The following CCSER1 variants were observed in gnomAD, a reference collection of about 807,000 sequenced individuals.
The protein encoded by CCSER1 is coiled-coil serine rich protein 1.
Under a neutral mutation model 82.0 loss-of-function variants are expected in CCSER1, and 41 were observed. The observed-to-expected ratio is 0.50, with a 90% confidence interval of 0.39 to 0.65. The LOEUF is 0.65. Among genes scored for constraint, CCSER1 ranks in the 30% least tolerant of loss-of-function variants. The pLI, the probability that CCSER1 is intolerant of heterozygous loss-of-function variation, is 0.00. For missense variants in CCSER1, 1,119 were observed against 1,064.2 expected (o/e 1.05, Z -0.72); for synonymous variants, 414 against 383.9 (o/e 1.08, Z -0.92).
At chr4:91,467,911 A>G (rs1181354860) in intron 10 of CCSER1, among the ~76,000 whole-genome samples, 6 of 152,228 alleles carry the variant, frequency 3.9e-5, no homozygotes, top group Admixed American at 3.9e-4. Flanking sequence ...GTGGGACTGT[A>G]AACTATTTCA....
intron 4 of CCSER1, among the ~76,000 whole-genome samples, chr4:90,442,124 A>G (rs1211818854): frequency 2.0e-5 from 3 of 152,176 alleles, no homozygotes; most frequent in African/African-American, 7.2e-5. Flanking sequence ...ACCAAAGGGG[A>G]GTCTTAAATT....
chr4:90,849,992 C>A (rs949672274), intron 8 of CCSER1, among the ~76,000 whole-genome samples: 1 of 152,082 alleles, frequency 6.6e-6, no homozygotes, highest in African/African-American at 2.4e-5. Context: ...GGGCTGGGCA[C>A]AGGGACACCC....
At chr4:91,150,085 A>G (rs926430037) in intron 10 of CCSER1, among the ~76,000 whole-genome samples, 9 of 152,114 alleles carry the variant, frequency 5.9e-5, no homozygotes, top group Non-Finnish European at 8.8e-5. Context: ...GACCATTTTC[A>G]TGATATTGAT....
At chr4:90,748,504 C>T (rs894421453) in intron 7 of CCSER1, among the ~76,000 whole-genome samples, 5 of 148,784 alleles carry the variant, frequency 3.4e-5, no homozygotes, top group African/African-American at 1.2e-4. Context: ...CATACGTGTG[C>T]ATGTGTCTTT....
intron 1 of CCSER1, among the ~76,000 whole-genome samples, chr4:90,153,899 A>G (rs1366871784): frequency 2.0e-5 from 3 of 152,074 alleles, no homozygotes; most frequent in Admixed American, 6.5e-5. Flanking sequence ...CCATTTGTCA[A>G]TTTTGGCTTT....
At chr4:90,885,319 G>A (rs914413665) in intron 8 of CCSER1, among the ~76,000 whole-genome samples, 2 of 152,090 alleles carry the variant, frequency 1.3e-5, no homozygotes. Flanking sequence ...TACCCAACAT[G>A]TATGATTTTG....
chr4:90,641,251 T>TA (rs1726458830), intron 6 of CCSER1, among the ~76,000 whole-genome samples: 1 of 152,064 alleles, frequency 6.6e-6, no homozygotes, highest in Admixed American at 6.6e-5. Context: ...GAGTTAAAAA[T>TA]ATGCAAACTT....
At chr4:90,325,302 T>C (rs1737959136) in intron 3 of CCSER1, among the ~76,000 whole-genome samples, 1 of 152,306 alleles carries the variant, frequency 6.6e-6, no homozygotes, top group Non-Finnish European at 1.5e-5. Context: ...TACTTATTTA[T>C]TAAGAAAATA....
At chr4:90,792,545 A>G (rs189098307) in intron 7 of CCSER1, among the ~76,000 whole-genome samples, 4 of 152,290 alleles carry the variant, frequency 2.6e-5, no homozygotes, top group Non-Finnish European at 5.9e-5. Flanking sequence ...GGTGCCTACT[A>G]CCTATAGCAA....
chr4:90,291,370 C>A (rs1366547983), intron 1 of CCSER1, among the ~76,000 whole-genome samples: 1 of 151,978 alleles, frequency 6.6e-6, no homozygotes, highest in African/African-American at 2.4e-5. Flanking sequence ...GGCAGAACTA[C>A]CTAAATGTTC....
intron 10 of CCSER1, among the ~76,000 whole-genome samples, chr4:91,094,212 G>A (rs1432465810): frequency 6.6e-5 from 10 of 152,234 alleles, no homozygotes; most frequent in Admixed American, 3.3e-4. Context: ...TGGAGGTCTC[G>A]AGCCAACACC....
intron 5 of CCSER1, among the ~76,000 whole-genome samples, chr4:90,492,513 TC>T (rs970674370): frequency 6.6e-6 from 1 of 152,194 alleles, no homozygotes; most frequent in African/African-American, 2.4e-5. Flanking sequence ...TGTGTCTCTA[TC>T]TCCTTCAGTT....
intron 5 of CCSER1, among the ~76,000 whole-genome samples, chr4:90,470,089 T>A (rs2153589588): frequency 6.6e-6 from 1 of 152,280 alleles, no homozygotes; most frequent in East Asian, 1.9e-4. Flanking sequence ...CTCTAAGTAC[T>A]CCGTAAATTC....
intron 4 of CCSER1, among the ~76,000 whole-genome samples, chr4:90,458,161 G>A (rs909677391): frequency 1.4e-4 from 21 of 152,182 alleles, no homozygotes; most frequent in Middle Eastern, 3.4e-3. Flanking sequence ...GTCCATAGCC[G>A]CAGCTGGTTT....
Position 90,518,493 on chromosome 4 carries a change from A to G in CCSER1, c.1724+50139A>G, listed in dbSNP as rs138682294. Reference sequence around the variant, plus strand: ...GTTTCATAACTAGTCCATTAACTACATGATAACTGTCATGAACTCAAATAA... The same window carrying G: ...GTTTCATAACTAGTCCATTAACTACGTGATAACTGTCATGAACTCAAATAA... On this transcript the variant is annotated intron_variant, in intron 5 of 10. Transcript: ENST00000509176. Among the ~76,000 whole-genome samples, 16 of 152,218 alleles carry G rather than the reference A, an allele frequency of 1.1e-4. No individual in the cohort carries two copies. In the East Asian group the frequency reaches 3.1e-3, roughly 29 times the overall value.
chr4:91,378,491 T>C (rs1049601444), intron 10 of CCSER1, among the ~76,000 whole-genome samples: 1 of 152,250 alleles, frequency 6.6e-6, no homozygotes, highest in East Asian at 1.9e-4. Context: ...GATTCCTAAG[T>C]ATTTTATTCT....
At chr4:90,275,736 T>A (rs1368262038) in intron 1 of CCSER1, among the ~76,000 whole-genome samples, 2 of 152,166 alleles carry the variant, frequency 1.3e-5, no homozygotes, top group Admixed American at 1.3e-4. Flanking sequence ...ATCTGGGGAA[T>A]ATGCTTGGTT....
At chr4:90,413,948 C>CAAAAAAAAAAA (rs570689214) in intron 4 of CCSER1, among the ~76,000 whole-genome samples, 4 of 22,366 alleles carry the variant, frequency 1.8e-4, no homozygotes, top group Non-Finnish European at 3.6e-4. Context: ...GACACCGTCT[C>CAAAAAAAAAAA]AAAAAAAAAA....
At chr4:91,551,396 A>T (rs973729907) in intron 10 of CCSER1, among the ~76,000 whole-genome samples, 2 of 152,036 alleles carry the variant, frequency 1.3e-5, no homozygotes, top group Non-Finnish European at 2.9e-5. Flanking sequence ...AAAAATAATG[A>T]GCATATTAAA....
Sources: allele counts gnomAD v4.1 joint callset (sites outside exome capture counted in the v4.1 genomes callset), GRCh38; gene constraint gnomAD v4.1.1; transcripts MANE v1.5; gene names NCBI Gene and HGNC (gene_info 2026-07-23, HGNC 2026-07-21).